RBFOX1: variants seen among roughly 807,000 people sequenced by gnomAD.
RBFOX1 encodes the protein RNA binding protein fox-1 homolog 1.
In RBFOX1, 8 loss-of-function variants were observed where a neutral mutation model predicts 57.7. The ratio of observed to expected loss-of-function variants is 0.14; its 90% confidence interval spans 0.08 to 0.25. The LOEUF (loss-of-function observed/expected upper bound fraction) is 0.25. RBFOX1 is among the 10% of genes least tolerant of loss of function. The pLI, the probability that RBFOX1 is intolerant of heterozygous loss-of-function variation, is 1.00. For synonymous variants in RBFOX1, 326 were observed against 222.4 expected (o/e 1.47, Z -4.15); for missense variants, 611 against 548.5 (o/e 1.11, Z -1.14).
rs1284015352 is a variant in RBFOX1 at position 7,129,302 on chromosome 16, G to A, written c.27+77204G>A. ...GGCCAGGAAAACAAAGTGTTTCATC[G>A]GTTTGGTTAGATTTGGGTCCTGTCT... On this transcript the variant is annotated intron_variant, in intron 4 of 15. Transcript: ENST00000550418. 2.6e-5 allele frequency among the ~76,000 whole-genome samples: 4 copies of A among 152,176 alleles called. No individual in the cohort carries two copies. The East Asian group carries it at 5.8e-4, about 22-fold the overall frequency.
At chr16:6,493,023 C>G (rs554325870) in intron 2 of RBFOX1, among the ~76,000 whole-genome samples, 5 of 152,194 alleles carry the variant, frequency 3.3e-5, no homozygotes, top group Admixed American at 3.3e-4. Context: ...CACCTTTATT[C>G]TTTGTGATTT....
At chr16:5,849,055 G>T (rs1423049561) in intron 3 of RBFOX1, among the ~76,000 whole-genome samples, 1 of 152,112 alleles carries the variant, frequency 6.6e-6, no homozygotes, top group East Asian at 1.9e-4. Context: ...GCAAGAATGG[G>T]AGAGTAGAAA....
chr16:6,979,166 G>GA (rs1320782971), intron 3 of RBFOX1, among the ~76,000 whole-genome samples: 4 of 152,168 alleles, frequency 2.6e-5, no homozygotes, highest in African/African-American at 9.7e-5. Context: ...TTCTAGTGTT[G>GA]ATAGTATTCA....
chr16:5,393,400 TC>T (rs1193143967), intron 1 of RBFOX1, among the ~76,000 whole-genome samples: 1 of 152,228 alleles, frequency 6.6e-6, no homozygotes, highest in Non-Finnish European at 1.5e-5. Flanking sequence ...AAGGTTGATC[TC>T]CCTTCTGCTT....
intron 3 of RBFOX1, among the ~76,000 whole-genome samples, chr16:6,982,695 T>G (rs1274643716): frequency 6.6e-6 from 1 of 152,178 alleles, no homozygotes; most frequent in African/African-American, 2.4e-5. Context: ...TATCTCATTT[T>G]GAAAGATGTG....
chr16:5,921,779 A>T (rs1235294944), intron 4 of RBFOX1, among the ~76,000 whole-genome samples: 1 of 152,044 alleles, frequency 6.6e-6, no homozygotes, highest in Non-Finnish European at 1.5e-5. Context: ...GGTGGAAGAT[A>T]AAGGGAGAGC....
At chr16:7,181,566 TCTTCCTCTCTTTCTCG>T (rs1011956643) in intron 4 of RBFOX1, among the ~76,000 whole-genome samples, 1 of 151,768 alleles carries the variant, frequency 6.6e-6, no homozygotes, top group African/African-American at 2.4e-5. Flanking sequence ...TCTCTTTCTC[TCTTCCTCTCTTTCTCG>T]CTTGCTTGCT....
intron 2 of RBFOX1, among the ~76,000 whole-genome samples, chr16:6,408,847 A>G (rs2093369044): frequency 6.6e-6 from 1 of 151,982 alleles, no homozygotes; most frequent in Non-Finnish European, 1.5e-5. Flanking sequence ...TCTTGCTGCT[A>G]TTTTCTGTGA....
At chr16:6,610,559 G>A (rs532598703) in intron 2 of RBFOX1, among the ~76,000 whole-genome samples, 11 of 152,028 alleles carry the variant, frequency 7.2e-5, no homozygotes, top group Non-Finnish European at 1.6e-4. Context: ...CAAAATCCTG[G>A]TCTCACAGGA....
At chr16:5,742,523 C>T (rs1441348286) in intron 3 of RBFOX1, among the ~76,000 whole-genome samples, 1 of 152,020 alleles carries the variant, frequency 6.6e-6, no homozygotes, top group Non-Finnish European at 1.5e-5. Context: ...AGAAACAAGC[C>T]CGATCACTTC....
chr16:5,282,805 A>G (rs188636905), intron 1 of RBFOX1, among the ~76,000 whole-genome samples: 62 of 152,332 alleles, frequency 4.1e-4, no homozygotes, highest in Non-Finnish European at 7.6e-4. Context: ...TGACGATGCA[A>G]TAGAAAAGAA....
At chr16:5,919,391 G>A (rs113447704) in intron 4 of RBFOX1, among the ~76,000 whole-genome samples, 3 of 152,108 alleles carry the variant, frequency 2.0e-5, no homozygotes, top group African/African-American at 7.2e-5. Flanking sequence ...TTCCTAGGCT[G>A]GAGTGCAATG....
chr16:5,824,566 C>T (rs2055970715), intron 3 of RBFOX1, among the ~76,000 whole-genome samples: 1 of 152,154 alleles, frequency 6.6e-6, no homozygotes, highest in African/African-American at 2.4e-5. Flanking sequence ...CAATTTCCCT[C>T]CTCCTGTCTG....
intron 3 of RBFOX1, among the ~76,000 whole-genome samples, chr16:5,833,201 A>G (rs1033157050): frequency 2.6e-5 from 4 of 152,214 alleles, no homozygotes; most frequent in Admixed American, 6.5e-5. Flanking sequence ...ATCTGTATCA[A>G]TATGAAATCT....
chr16:7,119,466 C>A (rs527701314), intron 4 of RBFOX1, among the ~76,000 whole-genome samples: 1 of 152,018 alleles, frequency 6.6e-6, no homozygotes, highest in African/African-American at 2.4e-5. Context: ...ACTGACAATT[C>A]AAAAATCCAT....
chr16:6,589,895 AT>A (rs2097686772), intron 2 of RBFOX1, among the ~76,000 whole-genome samples: 1 of 152,264 alleles, frequency 6.6e-6, no homozygotes, highest in African/African-American at 2.4e-5. Flanking sequence ...CTCAGCTATA[AT>A]TTTTACACAG....
At chr16:6,587,842 A>G (rs555901194) in intron 2 of RBFOX1, among the ~76,000 whole-genome samples, 83 of 152,124 alleles carry the variant, frequency 5.5e-4, no homozygotes, top group African/African-American at 1.9e-3. Context: ...TTCTCTTTCT[A>G]CCCTCCGTCT....
chr16:5,631,974 C>T (rs1048715058), intron 3 of RBFOX1, among the ~76,000 whole-genome samples: 1 of 152,180 alleles, frequency 6.6e-6, no homozygotes, highest in African/African-American at 2.4e-5. Context: ...AAGCCTCCAC[C>T]TGTTTGCTCT....
chr16:5,887,697 C>G (rs976623411), intron 4 of RBFOX1, among the ~76,000 whole-genome samples: 6 of 152,314 alleles, frequency 3.9e-5, no homozygotes, highest in African/African-American at 1.2e-4. Context: ...AGCCACCATA[C>G]CTGGCCTCCT....
Sources: allele counts gnomAD v4.1 joint callset (sites outside exome capture counted in the v4.1 genomes callset), GRCh38; gene constraint gnomAD v4.1.1; transcripts MANE v1.5; gene names NCBI Gene and HGNC (gene_info 2026-07-23, HGNC 2026-07-21).